The following DNAJB1 variants were observed in gnomAD, a reference collection of about 807,000 sequenced individuals.
DNAJB1 encodes dnaJ homolog subfamily B member 1.
In DNAJB1, 14 loss-of-function variants were observed where a neutral mutation model predicts 24.0. The ratio of observed to expected loss-of-function variants is 0.58; its 90% CI spans 0.39 to 0.91. The LOEUF is 0.91. Among genes scored for constraint, DNAJB1 ranks in the 40% least tolerant of loss-of-function variants. The probability of loss-of-function intolerance (pLI) is 0.00; values close to 1 mark genes in which losing one functional copy is unlikely to be tolerated. For synonymous variants in DNAJB1, 262 were observed against 174.4 expected (o/e 1.50, Z -3.96); for missense variants, 517 against 458.1 (o/e 1.13, Z -1.17).
intron 2 of DNAJB1, among the ~76,000 whole-genome samples, chr19:14,523,475 G>A (rs1407191150): frequency 6.6e-6 from 1 of 151,648 alleles, no homozygotes; most frequent in Non-Finnish European, 1.5e-5. Context: ...CACCACACCT[G>A]GCTAATTTTT....
upstream of DNAJB1, chr19:14,518,433 G>C (rs998068607): frequency 1.0e-5 from 12 of 1,187,250 alleles, no homozygotes; most frequent in East Asian, 2.7e-4. Flanking sequence ...ATACCCGTCC[G>C]GCGGAAGCTT....
At chr19:14,539,343 C>T (rs2073019085) in intron 1 of DNAJB1, among the ~76,000 whole-genome samples, 1 of 151,870 alleles carries the variant, frequency 6.6e-6, no homozygotes. Flanking sequence ...ATGGGAAGAC[C>T]CTTGGGGAAG....
intron 1 of DNAJB1, 80 bp downstream of exon 1, chr19:14,518,045 CGTCCTTCCCGGGGG>C: frequency 7.8e-7 from 1 of 1,285,892 alleles, no homozygotes; most frequent in Non-Finnish European, 1.0e-6. Context: ...CGGCCCGGGG[CGTCCTTCCCGGGGG>C]GCCGCCGAGA....
Position 14,518,363 on chromosome 19 carries a change from G to C in DNAJB1, c.-14C>G, listed in dbSNP as rs543051736. ...GTCTTTACCCATGACCCCCTCCTGCGGCCCGCCGACCCGCTGTCGCCGTCC... is the reference window on the plus strand; with the variant it reads ...GTCTTTACCCATGACCCCCTCCTGCCGCCCGCCGACCCGCTGTCGCCGTCC... On this transcript the variant is annotated 5_prime_UTR_variant, in exon 1 of 3. Transcript: ENST00000254322. 4 of 1,539,952 alleles carry C rather than the reference G, an allele frequency of 2.6e-6. No individual in the cohort carries two copies. The highest frequency in any genetic ancestry group is 3.5e-6 in the Non-Finnish European group (4 of 1,152,488).
intron 2 of DNAJB1, among the ~76,000 whole-genome samples, chr19:14,525,963 G>T (rs1367556220): frequency 6.6e-6 from 1 of 152,074 alleles, no homozygotes; most frequent in African/African-American, 2.4e-5. Flanking sequence ...CAGCGAGCCA[G>T]CTCATTCATA....
At chr19:14,559,083 G>A (rs1258861554) in intron 1 of DNAJB1, among the ~76,000 whole-genome samples, 1 of 152,162 alleles carries the variant, frequency 6.6e-6, no homozygotes, top group African/African-American at 2.4e-5. Flanking sequence ...CCCTCTGAGG[G>A]GTGGGGAACC....
chr19:14,530,975 C>T (rs1241710421), upstream of DNAJB1: 1 of 152,212 alleles, frequency 6.6e-6, no homozygotes, highest in Non-Finnish European at 1.5e-5. Context: ...CACCATTCTA[C>T]TCAGCCACCA....
At chr19:14,520,321 A>C (rs1039185604), upstream of DNAJB1, among the ~76,000 whole-genome samples, 9 of 152,164 alleles carry the variant, frequency 5.9e-5, no homozygotes, top group African/African-American at 1.7e-4. Context: ...CTGAAGAAGA[A>C]GACCATCCTC....
In DNAJB1 at chr19:14,538,721, CGG is replaced by C. The variant is rs761596286; in HGVS notation, c.-213-10913_-213-10912del. Among the ~76,000 whole-genome samples, 289 of 150,814 alleles carry C rather than the reference CGG, an allele frequency of 1.9e-3. 1 individual carries two copies. Among genetic ancestry groups the C allele is most frequent in the Non-Finnish European group, 2.6e-3 (176 of 67,728 alleles). ...CTAATTTTTGTATTTTTAGTAGAGA[CGG>C]GGTTTCAGCATCTTGGCCAGGCTGG... On this transcript the variant is annotated intron_variant, in intron 1 of 3. Transcript: ENST00000676982.
intron 1 of DNAJB1, chr19:14,545,237 C>T: frequency 2.2e-6 from 1 of 456,464 alleles, no homozygotes; most frequent in Non-Finnish European, 4.4e-6. Context: ...AGCTGCTCCC[C>T]CTAAAATTTA....
In DNAJB1 at chr19:14,516,871, G is replaced by A. The variant is rs780655989; in HGVS notation, c.387C>T (p.Asp129=). Reference sequence around the variant, plus strand: ...TGCCCATAGGGAAGCCAGAGAATGGGTCATCAATGTCCATGCCTTCCTCCC... The same window carrying A: ...TGCCCATAGGGAAGCCAGAGAATGGATCATCAATGTCCATGCCTTCCTCCC... ...RNGEEGMDID[D]PFSGFPMGMG... The change falls in exon 2 of 3, where the codon GAC becomes GAT. Residue 129 remains aspartate, a synonymous_variant. Coordinates refer to ENST00000254322, the MANE Select transcript of DNAJB1 (RefSeq NM_006145.3). 54 of 1,614,096 alleles carry A rather than the reference G, an allele frequency of 3.3e-5. No homozygotes were observed. The Middle Eastern group carries it at 6.1e-3, about 183-fold the overall frequency.
chr19:14,545,011 C>A (rs1251239325), intron 1 of DNAJB1: 1 of 446,134 alleles, frequency 2.2e-6, no homozygotes, highest in Admixed American at 2.4e-5. Context: ...TCTCTGTTCC[C>A]TCCCTGGTCC....
At chr19:14,542,502 C>T (rs1468124851) in intron 1 of DNAJB1, among the ~76,000 whole-genome samples, 1 of 151,684 alleles carries the variant, frequency 6.6e-6, no homozygotes, top group Non-Finnish European at 1.5e-5. Flanking sequence ...GCTGGGATTA[C>T]AGGCATCCAC....
At chr19:14,518,947 A>C (rs1188125999), upstream of DNAJB1, among the ~76,000 whole-genome samples, 1 of 152,166 alleles carries the variant, frequency 6.6e-6, no homozygotes, top group Non-Finnish European at 1.5e-5. Flanking sequence ...AAGAGAACCT[A>C]TCAGGCCGGG....
intron 1 of DNAJB1, among the ~76,000 whole-genome samples, chr19:14,544,793 C>T (rs866828501): frequency 7.9e-5 from 12 of 151,906 alleles, no homozygotes; most frequent in African/African-American, 2.2e-4. Context: ...CCATCACGCC[C>T]GGCTAATTTG....
chr19:14,550,312 G>A (rs886712499), exon 1 of DNAJB1, among the ~76,000 whole-genome samples: 7 of 152,126 alleles, frequency 4.6e-5, no homozygotes, highest in African/African-American at 1.2e-4. Context: ...CTGCCGCCGC[G>A]TGTATAAAGC....
upstream of DNAJB1, among the ~76,000 whole-genome samples, chr19:14,552,871 G>T (rs138496756): frequency 0.021 from 3,144 of 152,120 alleles, 50 homozygotes; most frequent in Non-Finnish European, 0.024. Flanking sequence ...TGAGGCCTGG[G>T]TGGCAGTCTC....
intron 1 of DNAJB1, among the ~76,000 whole-genome samples, chr19:14,559,420 G>T (rs2073839516): frequency 6.6e-6 from 1 of 152,018 alleles, no homozygotes; most frequent in Admixed American, 6.6e-5. Context: ...TGGGACCTTT[G>T]TGTCTGGCTT....
intron 2 of DNAJB1, among the ~76,000 whole-genome samples, chr19:14,523,531 C>G (rs2072385501): frequency 6.6e-6 from 1 of 151,624 alleles, no homozygotes; most frequent in East Asian, 1.9e-4. Flanking sequence ...CCAGGCTAAT[C>G]TCGAACTCCT....
Sources: gnomAD v4.1 joint callset for allele counts (sites outside exome capture counted in the v4.1 genomes callset) on GRCh38, gnomAD v4.1.1 for gene constraint, MANE v1.5 for transcripts, NCBI Gene and HGNC (gene_info 2026-07-23, HGNC 2026-07-21) for gene names.